DGKI: variants seen among roughly 807,000 people sequenced by gnomAD.
DGKI encodes diacylglycerol kinase iota.
In DGKI, 55 loss-of-function variants were observed where a neutral mutation model predicts 147.5. The observed-to-expected ratio is 0.37, with a 90% CI of 0.30 to 0.47. The LOEUF (loss-of-function observed/expected upper bound fraction) is 0.47, where lower values mean the gene tolerates loss of function less well. DGKI is among the 20% of genes least tolerant of loss of function. The pLI is 1.00. For missense variants in DGKI, 1,007 were observed against 1,323.8 expected, an observed-to-expected ratio of 0.76 and a Z score of 3.71; for synonymous variants, 469 against 477.1, an observed-to-expected ratio of 0.98 and a Z score of 0.22.
At chr7:137,452,090 A>G (rs1369681850) in intron 27 of DGKI, among the ~76,000 whole-genome samples, 1 of 152,206 alleles carries the variant, frequency 6.6e-6, no homozygotes, top group East Asian at 1.9e-4. Context: ...ATGAATGTCT[A>G]TCTCTATTCC....
chr7:137,661,872 C>G (rs1326760672), intron 3 of DGKI, among the ~76,000 whole-genome samples: 3 of 152,154 alleles, frequency 2.0e-5, no homozygotes, highest in African/African-American at 7.2e-5. Context: ...TTCCTAAGCT[C>G]TTAGAATGTC....
intron 21 of DGKI, among the ~76,000 whole-genome samples, chr7:137,488,831 CA>C (rs879539903): frequency 1.6e-4 from 24 of 151,814 alleles, no homozygotes; most frequent in Admixed American, 1.6e-3. Context: ...TATATATAAA[CA>C]AAAAAATGAT....
chr7:137,571,922 G>A (rs1167547047), intron 18 of DGKI, among the ~76,000 whole-genome samples: 1 of 152,106 alleles, frequency 6.6e-6, no homozygotes, highest in Non-Finnish European at 1.5e-5. Context: ...ATAAAGCAAA[G>A]TAATAAACAA....
intron 21 of DGKI, among the ~76,000 whole-genome samples, chr7:137,501,904 G>T (rs1816186388): frequency 1.3e-5 from 2 of 152,262 alleles, no homozygotes; most frequent in Middle Eastern, 3.4e-3. Flanking sequence ...GGTGGGAGAT[G>T]AATGAATCAT....
At chr7:137,689,027 T>C (rs761520442) in intron 2 of DGKI, among the ~76,000 whole-genome samples, 1 of 152,118 alleles carries the variant, frequency 6.6e-6, no homozygotes, top group African/African-American at 2.4e-5. Context: ...GAGGAAGAAA[T>C]GCTATAATAC....
At chr7:137,401,337 G>A (rs1811750300) in intron 30 of DGKI, among the ~76,000 whole-genome samples, 1 of 151,406 alleles carries the variant, frequency 6.6e-6, no homozygotes, top group Non-Finnish European at 1.5e-5. Context: ...TTCAAGAGCA[G>A]CCTGGGTAAC....
intron 28 of DGKI, 113 bp downstream of exon 28, chr7:137,443,964 C>G: frequency 4.7e-6 from 4 of 855,080 alleles, no homozygotes; most frequent in Non-Finnish European, 7.2e-6. Context: ...AACCACAAAG[C>G]CAATATCTTA....
chr7:137,628,330 G>A (rs1821014833), intron 6 of DGKI, among the ~76,000 whole-genome samples: 1 of 152,186 alleles, frequency 6.6e-6, no homozygotes, highest in Non-Finnish European at 1.5e-5. Context: ...TTGGCAATGA[G>A]CCTGGTGGTA....
chr7:137,616,676 T>C (rs1046096809), intron 8 of DGKI, among the ~76,000 whole-genome samples: 6 of 152,214 alleles, frequency 3.9e-5, no homozygotes, highest in Admixed American at 6.5e-5. Context: ...GGAAGAAGAA[T>C]GATGACAACG....
intron 20 of DGKI, among the ~76,000 whole-genome samples, chr7:137,525,335 C>T (rs181572275): frequency 1.4e-4 from 22 of 152,276 alleles, no homozygotes; most frequent in Non-Finnish European, 2.6e-4. Context: ...CTTACTTAAA[C>T]CTAGTCTTCT....
chr7:137,576,043 C>CTTTTTTTTTTT (rs1386281275), intron 17 of DGKI, among the ~76,000 whole-genome samples: 4 of 135,066 alleles, frequency 3.0e-5, no homozygotes, highest in African/African-American at 5.7e-5. Flanking sequence ...TTTTCTTTTT[C>CTTTTTTTTTTT]TTTTTTTTTT....
intron 3 of DGKI, among the ~76,000 whole-genome samples, chr7:137,675,683 C>CAA (rs61282606): frequency 3.6e-4 from 39 of 107,666 alleles, no homozygotes; most frequent in African/African-American, 1.1e-3. Flanking sequence ...AGACTACATC[C>CAA]AAAAAAAAAA....
intron 21 of DGKI, among the ~76,000 whole-genome samples, chr7:137,492,203 A>T (rs1440399577): frequency 6.6e-6 from 1 of 152,182 alleles, no homozygotes; most frequent in Non-Finnish European, 1.5e-5. Context: ...ACTTTTAATA[A>T]TGAAGAGAAA....
chr7:137,602,912 A>G (rs1820044251), intron 10 of DGKI, among the ~76,000 whole-genome samples: 1 of 152,070 alleles, frequency 6.6e-6, no homozygotes, highest in Non-Finnish European at 1.5e-5. Flanking sequence ...AAAACAGCTT[A>G]TATGCCAATC....
At chr7:137,750,959 T>G (rs1010643100) in intron 1 of DGKI, among the ~76,000 whole-genome samples, 8 of 152,112 alleles carry the variant, frequency 5.3e-5, no homozygotes, top group African/African-American at 1.7e-4. Context: ...TACAACTAGA[T>G]CTCTCGGCCC....
In DGKI at chr7:137,614,701, T is replaced by C. The variant is rs182163113; in HGVS notation, c.994-5092A>G. On this transcript the variant is annotated intron_variant, in intron 8 of 32. Coordinates refer to ENST00000614521, the MANE Select transcript of DGKI (RefSeq NM_001321708.2). ...TTACCCAAGCAGCCCTCACTCCCTT[T>C]AGCATCAAGGTTTCACAGAGCTGCC... Among the ~76,000 whole-genome samples, 6 of 152,256 alleles carry C rather than the reference T, an allele frequency of 3.9e-5. No homozygotes were observed. In the East Asian group the frequency reaches 9.7e-4, roughly 25 times the overall value.
At chr7:137,479,080 T>C (rs944335382) in intron 23 of DGKI, among the ~76,000 whole-genome samples, 1 of 152,182 alleles carries the variant, frequency 6.6e-6, no homozygotes, top group Admixed American at 6.5e-5. Flanking sequence ...TCAAATTGCA[T>C]GATCAAATCA....
chr7:137,617,124 C>CAAAAA (rs60654879), intron 8 of DGKI, among the ~76,000 whole-genome samples: 20 of 48,108 alleles, frequency 4.2e-4, no homozygotes, highest in African/African-American at 8.0e-4. Context: ...TCCCTTTTAC[C>CAAAAA]AAAAAAAAAA....
At chr7:137,567,768 T>G (rs59865889) in intron 19 of DGKI, among the ~76,000 whole-genome samples, 3,299 of 152,338 alleles carry the variant, frequency 0.022, 104 homozygotes, top group African/African-American at 0.076. Context: ...ATTTTCATTT[T>G]TTTAAATAAT....
Sources: gnomAD v4.1 joint callset for allele counts (sites outside exome capture counted in the v4.1 genomes callset) on GRCh38, gnomAD v4.1.1 for gene constraint, MANE v1.5 for transcripts, NCBI Gene and HGNC (gene_info 2026-07-23, HGNC 2026-07-21) for gene names.